The following SYTL5 variants were observed in gnomAD, a reference collection of about 807,000 sequenced individuals.
The protein encoded by SYTL5 is synaptotagmin-like protein 5.
SYTL5 carries 34 observed loss-of-function variants against 55.9 expected under a neutral mutation model. That is an observed-to-expected ratio of 0.61 (90% CI 0.46 to 0.81). The LOEUF is 0.81. SYTL5 is among the 30% of genes least tolerant of loss of function. The pLI is 0.00. For synonymous variants in SYTL5, 221 were observed against 188.7 expected, an observed-to-expected ratio of 1.17 and a Z score of -1.40; for missense variants, 637 against 546.7, an observed-to-expected ratio of 1.17 and a Z score of -1.65.
upstream of SYTL5, among the ~76,000 whole-genome samples, chrX:38,001,858 T>C (rs1933866544): frequency 8.9e-6 from 1 of 111,808 alleles, no homozygotes; most frequent in South Asian, 3.8e-4. Context: ...TTTGAGTTTT[T>C]TTAAATATAT....
intron 1 of SYTL5, among the ~76,000 whole-genome samples, chrX:38,032,253 C>T (rs1255756699): frequency 9.0e-6 from 1 of 111,670 alleles, no homozygotes; most frequent in Non-Finnish European, 1.9e-5. Context: ...GGGACAGTAT[C>T]ATGGGATGAT....
At chrX:38,020,326 C>T (rs1437709351) in intron 1 of SYTL5, among the ~76,000 whole-genome samples, 3 of 102,678 alleles carry the variant, frequency 2.9e-5, no homozygotes, top group African/African-American at 7.1e-5. Context: ...TATTAAAATA[C>T]ATTTATAACT....
chrX:38,076,569 T>G lies in SYTL5; in HGVS notation c.557T>G (p.Phe186Cys). The change falls in exon 6 of 17, where the codon TTT (phenylalanine) becomes TGT (cysteine). Residue 186 changes from phenylalanine (F) to cysteine (C), a missense_variant and splice_region_variant. Transcript: ENST00000297875. ...TAAATACATATATATAATTTCAGAT[T>G]TCTTCTTAGCAAGTTCAGATCGGCA... The part of the protein sequence containing the change: ...ASHDGPKRKG[F>C]LLSKFRSATR... 8.4e-7 allele frequency: 1 copy of G among 1,183,875 alleles called. No homozygotes were observed. The highest frequency in any genetic ancestry group is 1.1e-6 in the Non-Finnish European group (1 of 877,479).
chrX:38,046,398 G>A (rs1935461340), intron 2 of SYTL5, among the ~76,000 whole-genome samples: 2 of 111,481 alleles, frequency 1.8e-5, no homozygotes, highest in African/African-American at 6.5e-5. Context: ...CGTCTCACAT[G>A]GTGGCAGACA....
rs1390502518 is a variant in SYTL5, at chrX:38,089,544, C to T, written c.788C>T (p.Ser263Leu). Residue 263 changes from serine to leucine, a missense_variant, in exon 7 of 17, where the codon TCA becomes TTA. Coordinates refer to ENST00000297875, the MANE Select transcript of SYTL5 (RefSeq NM_138780.3). ...GGTGTGACCCCAGGCACTCAGAGTT[C>T]ACCAGCCCCAAGCACACGAACTGTG... Reference protein sequence around the residue: ...SNGVTPGTQSSPAPSTRTVTS... With the variant: ...SNGVTPGTQSLPAPSTRTVTS... The T allele has an allele frequency of 5.0e-6, 6 of 1,208,943 alleles. No homozygotes were observed. The highest frequency in any genetic ancestry group is 1.8e-5 in the African/African-American group (1 of 57,011).
chrX:37,923,662 G>A, the SYTL5 span, among the ~76,000 whole-genome samples: 3 of 109,213 alleles, frequency 2.7e-5, no homozygotes, highest in African/African-American at 1.0e-4. Flanking sequence ...CAGTAGGAGG[G>A]GCTCCTTGTG....
At chrX:38,108,808 T>G (rs1176822260) in intron 12 of SYTL5, 109 bp downstream of exon 12, 8 of 478,370 alleles carry the variant, frequency 1.7e-5, no homozygotes, top group Non-Finnish European at 2.8e-5. Context: ...TTGTATATGT[T>G]TTAGAAAATT....
intron 15 of SYTL5, 142 bp from the exon 16 acceptor site, chrX:38,125,156 T>G (rs1937615003): frequency 4.1e-6 from 2 of 483,751 alleles, no homozygotes; most frequent in Admixed American, 8.2e-5. Flanking sequence ...GAAGAAATAA[T>G]AAGTCAGTTC....
chrX:37,990,031 C>A, the SYTL5 span, among the ~76,000 whole-genome samples: 1 of 109,971 alleles, frequency 9.1e-6, no homozygotes, highest in East Asian at 2.8e-4. Context: ...CGCCACCACG[C>A]CCGGCTAATT....
intron 3 of SYTL5, among the ~76,000 whole-genome samples, chrX:38,061,881 A>AT (rs1011666646): frequency 2.7e-5 from 3 of 112,059 alleles, no homozygotes; most frequent in African/African-American, 9.7e-5. Context: ...CATAATGATC[A>AT]TTTTTTCTAA....
chrX:37,971,030 A>C, the SYTL5 span, among the ~76,000 whole-genome samples: 2 of 112,435 alleles, frequency 1.8e-5, no homozygotes, highest in African/African-American at 3.2e-5. Flanking sequence ...CACTTAAGTC[A>C]CATGAGCTTG....
intron 15 of SYTL5, 45 bp downstream of exon 15, chrX:38,122,260 G>T (rs1437240215): frequency 8.8e-7 from 1 of 1,134,031 alleles, no homozygotes; most frequent in Admixed American, 2.3e-5. Flanking sequence ...AATAGGAGAT[G>T]AAAGGATCTG....
intron 1 of SYTL5, among the ~76,000 whole-genome samples, chrX:38,033,060 A>T (rs1230420420): frequency 4.5e-5 from 5 of 111,817 alleles, no homozygotes; most frequent in Non-Finnish European, 9.4e-5. Flanking sequence ...AGTGTTTGTG[A>T]GATCTATTTA....
intron 15 of SYTL5, among the ~76,000 whole-genome samples, chrX:38,124,759 G>A (rs1185179127): frequency 1.8e-5 from 2 of 112,140 alleles, no homozygotes; most frequent in African/African-American, 6.5e-5. Context: ...CCTTAGGATT[G>A]TCACTTTGAG....
intron 1 of SYTL5, among the ~76,000 whole-genome samples, chrX:38,022,968 G>A (rs1311718590): frequency 2.7e-5 from 3 of 111,603 alleles, no homozygotes; most frequent in East Asian, 2.8e-4. Flanking sequence ...GGATAGATAC[G>A]AGAGAGAGAG....
At chrX:37,968,068 C>T in the SYTL5 span, among the ~76,000 whole-genome samples, 1 of 110,186 alleles carries the variant, frequency 9.1e-6, no homozygotes, top group Non-Finnish European at 1.9e-5. Context: ...TCTTGACCTC[C>T]TTGAGCATCT....
intron 1 of SYTL5, among the ~76,000 whole-genome samples, chrX:38,023,324 C>A (rs920178854): frequency 8.9e-6 from 1 of 111,858 alleles, no homozygotes; most frequent in Non-Finnish European, 1.9e-5. Flanking sequence ...TCAGTCACCA[C>A]ACCTTATTGG....
intron 2 of SYTL5, among the ~76,000 whole-genome samples, chrX:38,043,864 T>A (rs990875041): frequency 1.0e-4 from 11 of 108,355 alleles, no homozygotes; most frequent in African/African-American, 3.7e-4. Context: ...TTTCATAACA[T>A]AAGATTTTTC....
chrX:38,017,758 A>T (rs752441803), intron 1 of SYTL5, among the ~76,000 whole-genome samples: 110 of 108,456 alleles, frequency 1.0e-3, no homozygotes, highest in Non-Finnish European at 1.7e-3. Context: ...GATATTTTTG[A>T]CAAAGAGCTT....
Sources: allele counts gnomAD v4.1 joint callset (sites outside exome capture counted in the v4.1 genomes callset), GRCh38; gene constraint gnomAD v4.1.1; transcripts MANE v1.5; gene names NCBI Gene and HGNC (gene_info 2026-07-23, HGNC 2026-07-21).